The following IFT56 variants were observed in gnomAD, a reference collection of about 807,000 sequenced individuals.
The protein encoded by IFT56 is intraflagellar transport protein 56.
the IFT56 span, among the ~76,000 whole-genome samples, chr7:139,167,164 G>A: frequency 6.6e-6 from 1 of 152,010 alleles, no homozygotes; most frequent in East Asian, 1.9e-4. Context: ...TTTAGTATTT[G>A]GAAATATGAA....
the IFT56 span, chr7:139,160,997 C>G: frequency 6.2e-7 from 1 of 1,613,864 alleles, no homozygotes. Context: ...TTTGAATTTG[C>G]TAAAGAACTC....
At chr7:139,142,926 C>T in the IFT56 span, among the ~76,000 whole-genome samples, 1 of 152,098 alleles carries the variant, frequency 6.6e-6, no homozygotes, top group Non-Finnish European at 1.5e-5. Context: ...AATAAATATA[C>T]ACTTTTCAGA....
the IFT56 span, chr7:139,161,037 C>T: frequency 6.2e-7 from 1 of 1,610,098 alleles, no homozygotes; most frequent in Non-Finnish European, 8.5e-7. Context: ...ATAACGATTT[C>T]CCGTCTTGAC....
the IFT56 span, among the ~76,000 whole-genome samples, chr7:139,140,256 C>T: frequency 6.6e-6 from 1 of 152,260 alleles, no homozygotes; most frequent in Non-Finnish European, 1.5e-5. Context: ...AGGTGTCTTT[C>T]TTAGGCCCTA....
At chr7:139,149,254 G>A in the IFT56 span, among the ~76,000 whole-genome samples, 4 of 148,524 alleles carry the variant, frequency 2.7e-5, no homozygotes, top group Non-Finnish European at 4.4e-5. Context: ...TCAGTGAGCC[G>A]AGATGGTGCC....
chr7:139,144,972 T>G, the IFT56 span, among the ~76,000 whole-genome samples: 3 of 152,188 alleles, frequency 2.0e-5, no homozygotes, highest in Non-Finnish European at 4.4e-5. Flanking sequence ...CAATATTGTG[T>G]TTAATGCTGG....
chr7:139,153,252 A>G, the IFT56 span, among the ~76,000 whole-genome samples: 2 of 152,044 alleles, frequency 1.3e-5, no homozygotes, highest in South Asian at 4.1e-4. Context: ...GGAGTTAGAG[A>G]CCAGCCTGGC....
chr7:139,168,583 A>AC, the IFT56 span: 11 of 505,082 alleles, frequency 2.2e-5, no homozygotes, highest in Middle Eastern at 2.9e-4. Flanking sequence ...AAAAAAAAAC[A>AC]AAAAAAAAAC....
At chr7:139,137,957 T>G in the IFT56 span, 12 of 1,536,408 alleles carry the variant, frequency 7.8e-6, no homozygotes, top group Middle Eastern at 1.7e-4. Flanking sequence ...TAAAAAAAGT[T>G]TTTTTCCTAA....
At chr7:139,157,152 T>TC in the IFT56 span, among the ~76,000 whole-genome samples, 1 of 138,714 alleles carries the variant, frequency 7.2e-6, no homozygotes, top group Non-Finnish European at 1.6e-5. Context: ...TTTTTTTTTT[T>TC]TTTTTTTTTT....
At chr7:139,174,511 G>A in the IFT56 span, among the ~76,000 whole-genome samples, 1 of 152,132 alleles carries the variant, frequency 6.6e-6, no homozygotes, top group Admixed American at 6.5e-5. Context: ...AGCAAAAATG[G>A]ACAGATGGGG....
At chr7:139,142,231 T>A in the IFT56 span, 2 of 1,613,986 alleles carry the variant, frequency 1.2e-6, no homozygotes, top group South Asian at 1.1e-5. Flanking sequence ...AGTTCTTTAA[T>A]AAGCAGCTTG....
the IFT56 span, among the ~76,000 whole-genome samples, chr7:139,188,378 G>T: frequency 3.9e-5 from 6 of 152,152 alleles, no homozygotes; most frequent in East Asian, 1.2e-3. Context: ...TGGGATTACA[G>T]GCATGAGCCA....
chr7:139,141,864 G>A, the IFT56 span, among the ~76,000 whole-genome samples: 1 of 152,158 alleles, frequency 6.6e-6, no homozygotes, highest in African/African-American at 2.4e-5. Context: ...AAAGAATACT[G>A]GGACTAAGAG....
chr7:139,165,296 T>G, the IFT56 span: 3 of 1,089,426 alleles, frequency 2.8e-6, no homozygotes, highest in Non-Finnish European at 4.0e-6. Flanking sequence ...TAAATATGTC[T>G]GATGGAACTA....
chr7:139,190,670 C>T, the IFT56 span: 1 of 152,236 alleles, frequency 6.6e-6, no homozygotes, highest in Non-Finnish European at 1.5e-5. Context: ...GCTAGGCTCT[C>T]TGTCGTAAGT....
the IFT56 span, chr7:139,165,297 G>C: frequency 1.3e-5 from 14 of 1,083,056 alleles, no homozygotes; most frequent in African/African-American, 2.1e-4. Context: ...AAATATGTCT[G>C]ATGGAACTAT....
At chr7:139,173,012 T>C in the IFT56 span, 1 of 726,746 alleles carries the variant, frequency 1.4e-6, no homozygotes, top group Admixed American at 1.8e-5. Flanking sequence ...TCACAGTTGG[T>C]GGTGTGGCTC....
At chr7:139,135,260 A>C in the IFT56 span, among the ~76,000 whole-genome samples, 1 of 143,290 alleles carries the variant, frequency 7.0e-6, no homozygotes, top group Non-Finnish European at 1.5e-5. Context: ...GCCTGGCTAC[A>C]AGGCGAGACT....
Sources: allele counts gnomAD v4.1 joint callset (sites outside exome capture counted in the v4.1 genomes callset), GRCh38; gene constraint gnomAD v4.1.1; transcripts MANE v1.5; gene names NCBI Gene and HGNC (gene_info 2026-07-23, HGNC 2026-07-21).